The following TUBGCP3 variants were observed in gnomAD, a reference collection of about 807,000 sequenced individuals.
TUBGCP3 encodes the protein tubulin gamma complex component 3.
TUBGCP3 carries 50 observed loss-of-function variants against 123.1 expected under a neutral mutation model. That is an observed-to-expected ratio of 0.41 (90% confidence interval 0.32 to 0.51). The LOEUF (loss-of-function observed/expected upper bound fraction) is 0.51. Among genes scored for constraint, TUBGCP3 ranks in the 20% least tolerant of loss-of-function variants. The pLI is 0.36. For synonymous variants in TUBGCP3, 405 were observed against 413.9 expected (o/e 0.98, Z 0.26); for missense variants, 882 against 1,127.0 (o/e 0.78, Z 3.11).
chr13:112,522,149 T>C (rs1199772871), intron 14 of TUBGCP3, among the ~76,000 whole-genome samples, 171 bp downstream of exon 14: 1 of 152,090 alleles, frequency 6.6e-6, no homozygotes, highest in Non-Finnish European at 1.5e-5. Context: ...CAGAGAAAAA[T>C]GAAGGGGCTT....
chr13:112,577,512 C>T (rs1183164552), intron 1 of TUBGCP3, among the ~76,000 whole-genome samples: 1 of 151,340 alleles, frequency 6.6e-6, no homozygotes, highest in Middle Eastern at 3.2e-3. Flanking sequence ...CAAGAGAAGC[C>T]CAAAGAGACA....
At chr13:112,595,569 A>G in the TUBGCP3 span, among the ~76,000 whole-genome samples, 2 of 152,152 alleles carry the variant, frequency 1.3e-5, no homozygotes, top group African/African-American at 4.8e-5. Context: ...TAGCAAATTG[A>G]CCTTTATCTC....
chr13:112,529,419 C>T (rs1338788884), intron 11 of TUBGCP3, among the ~76,000 whole-genome samples: 1 of 152,122 alleles, frequency 6.6e-6, no homozygotes, highest in Non-Finnish European at 1.5e-5. Flanking sequence ...TCTGATAATG[C>T]CTCTATTTAC....
chr13:112,512,643 G>A lies in TUBGCP3; in HGVS notation c.2086+3797C>T, dbSNP rs116778228. On this transcript the variant is annotated intron_variant, in intron 17 of 21. Transcript: ENST00000261965. ...CCAGCTACTCATGAGGATGAGGCAG[G>A]AGAGTAGCTTGAATCTGGGAAGTGG... Among the ~76,000 whole-genome samples the A allele has an allele frequency of 4.0e-3, 602 of 152,070 alleles. 4 individuals are homozygous for A. The highest frequency in any genetic ancestry group is 0.014 in the African/African-American group (570 of 41,442).
At chr13:112,576,588 A>G (rs1020648581) in intron 1 of TUBGCP3, among the ~76,000 whole-genome samples, 1 of 152,218 alleles carries the variant, frequency 6.6e-6, no homozygotes, top group African/African-American at 2.4e-5. Flanking sequence ...CAATCCATAC[A>G]TACATCAAAG....
At chr13:112,598,000 C>T in the TUBGCP3 span, among the ~76,000 whole-genome samples, 1 of 152,060 alleles carries the variant, frequency 6.6e-6, no homozygotes, top group African/African-American at 2.4e-5. Flanking sequence ...CATGCCGAGG[C>T]AAATGTAAGC....
At chr13:112,596,638 G>T in the TUBGCP3 span, among the ~76,000 whole-genome samples, 2 of 151,972 alleles carry the variant, frequency 1.3e-5, no homozygotes, top group Non-Finnish European at 2.9e-5. Context: ...GCCAAATTTG[G>T]GGATTTTTCA....
chr13:112,573,512 G>A (rs1049747306), intron 1 of TUBGCP3, among the ~76,000 whole-genome samples: 1 of 152,128 alleles, frequency 6.6e-6, no homozygotes, highest in African/African-American at 2.4e-5. Context: ...CACAGCAACT[G>A]CCTTAGCCCC....
chr13:112,521,161 C>T (rs1876587945), intron 14 of TUBGCP3, among the ~76,000 whole-genome samples: 1 of 152,222 alleles, frequency 6.6e-6, no homozygotes, highest in Admixed American at 6.5e-5. Flanking sequence ...CATTAGAGAA[C>T]ATTTCCCCTT....
chr13:112,509,603 T>C (rs1881533702), intron 17 of TUBGCP3, among the ~76,000 whole-genome samples: 1 of 152,244 alleles, frequency 6.6e-6, no homozygotes, highest in African/African-American at 2.4e-5. Flanking sequence ...TTTTATTGTG[T>C]CTACAATGAG....
chr13:112,513,148 A>G (rs941804493), intron 17 of TUBGCP3, among the ~76,000 whole-genome samples: 3 of 152,216 alleles, frequency 2.0e-5, no homozygotes, highest in Non-Finnish European at 4.4e-5. Flanking sequence ...ACAAAGGCTG[A>G]GAAAGAATAC....
intron 3 of TUBGCP3, among the ~76,000 whole-genome samples, chr13:112,559,696 CT>C (rs778684754): frequency 2.0e-5 from 3 of 152,164 alleles, no homozygotes; most frequent in Non-Finnish European, 2.9e-5. Context: ...ATCGTCTCCC[CT>C]GAAATAATTC....
chr13:112,588,093 G>T lies in TUBGCP3; in HGVS notation c.-113C>A. On this transcript the variant is annotated 5_prime_UTR_variant, in exon 1 of 22. Coordinates refer to ENST00000261965, the MANE Select transcript of TUBGCP3 (RefSeq NM_006322.6). ...CCCGCAAGCTCCCTGCTCCTGACAG[G>T]CTAAGGCGCGGGCGCCGCCGGCCAC... 1 of 970,692 alleles carries T rather than the reference G, an allele frequency of 1.0e-6. No individual in the cohort carries two copies. Among genetic ancestry groups the T allele is most frequent in the Non-Finnish European group, 1.4e-6 (1 of 730,332 alleles). The allele number at this position is 970,692 out of a possible 1,614,324, so 60.1% of individuals were successfully genotyped here.
At chr13:112,583,494 T>C (rs1410305857) in intron 1 of TUBGCP3, among the ~76,000 whole-genome samples, 1 of 152,160 alleles carries the variant, frequency 6.6e-6, no homozygotes, top group African/African-American at 2.4e-5. Context: ...CAGTCCCAAA[T>C]GTGAAGGCTC....
the TUBGCP3 span, among the ~76,000 whole-genome samples, chr13:112,600,176 G>A: frequency 6.6e-5 from 10 of 152,138 alleles, no homozygotes; most frequent in South Asian, 4.1e-4. Context: ...CATCCCATCC[G>A]TCTCTGTGTG....
intron 11 of TUBGCP3, among the ~76,000 whole-genome samples, chr13:112,544,219 C>T (rs377575063): frequency 1.1e-4 from 16 of 151,914 alleles, no homozygotes; most frequent in Non-Finnish European, 1.8e-4. Flanking sequence ...TTTGGGAGGC[C>T]AAGGCGGGCA....
chr13:112,485,497 A>T lies in TUBGCP3; in HGVS notation c.*496T>A, dbSNP rs1322996458. 6.5e-6 allele frequency: 1 copy of T among 152,990 alleles called. No homozygotes were observed. The highest frequency in any genetic ancestry group is 2.4e-5 in the African/African-American group (1 of 41,486). 9.5% of individuals were successfully genotyped at this position (152,990 alleles called of 1,614,324 possible). ...GGTTAATATTTTACAACACTAAAAA[A>T]AAATAAAATGCTCTATATATTTTCT... On this transcript the variant is annotated 3_prime_UTR_variant, in exon 22 of 22. Coordinates refer to ENST00000261965, the MANE Select transcript of TUBGCP3 (RefSeq NM_006322.6).
upstream of TUBGCP3, among the ~76,000 whole-genome samples, chr13:112,590,420 T>C (rs574933570): frequency 8.8e-4 from 134 of 152,170 alleles, 1 homozygote; most frequent in Middle Eastern, 3.4e-3. Context: ...TCCCAGAATA[T>C]AATGCAAGGA....
rs1355732893 is a variant in TUBGCP3, at chr13:112,511,258, GGCCCGCGGGCACCT to G, written c.2086+5168_2086+5181del. Among the ~76,000 whole-genome samples the G allele has an allele frequency of 6.6e-6, 1 of 152,176 alleles. No homozygotes were observed. The highest frequency in any genetic ancestry group is 1.5e-5 in the Non-Finnish European group (1 of 68,032). Reference sequence around the variant, plus strand: ...GATGGGCCCCTCACAGGGCACTGCTGGCCCGCGGGCACCTGCCTTTCCTGGTAAGATAAAATCTG... The same window carrying G: ...GATGGGCCCCTCACAGGGCACTGCTGGCCTTTCCTGGTAAGATAAAATCTG... On this transcript the variant is annotated intron_variant, in intron 17 of 21. Transcript: ENST00000261965. This position sits in a 1 kb window ranked among gnomAD's most constrained non-coding sequence, Gnocchi z 4.1.
Sources: gnomAD v4.1 joint callset for allele counts (sites outside exome capture counted in the v4.1 genomes callset) on GRCh38, gnomAD v4.1.1 for gene constraint, Gnocchi (gnomAD v3.1) non-coding constraint, MANE v1.5 for transcripts, NCBI Gene and HGNC (gene_info 2026-07-23, HGNC 2026-07-21) for gene names.